The following CCDC7 variants were observed in gnomAD, a reference collection of about 807,000 sequenced individuals.
CCDC7 encodes the protein coiled-coil domain containing 7.
CCDC7 carries 183 observed loss-of-function variants against 196.9 expected under a neutral mutation model. The ratio of observed to expected loss-of-function variants is 0.93; its 90% CI spans 0.82 to 1.05. CCDC7 has a LOEUF of 1.05. Among genes scored for constraint, CCDC7 ranks in the 50% least tolerant of loss-of-function variants. The pLI is 0.00. For missense variants in CCDC7, 1,540 were observed against 1,482.2 expected (o/e 1.04, Z -0.64); for synonymous variants, 525 against 484.6 (o/e 1.08, Z -1.10).
At chr10:32,867,967 C>T (rs2094267431) in intron 41 of CCDC7, among the ~76,000 whole-genome samples, 1 of 151,852 alleles carries the variant, frequency 6.6e-6, no homozygotes. Context: ...TACTTTTTGT[C>T]TCTATAAATT....
In CCDC7 at chr10:32,780,110, G is replaced by A. The variant is rs548966212; in HGVS notation, c.3013+1026G>A. On this transcript the variant is annotated intron_variant, in intron 29 of 41. Coordinates refer to ENST00000639629, the Ensembl canonical transcript of CCDC7. Reference sequence around the variant, plus strand: ...AAATTAGACAGGCATGGTGGTACACGCCTATAGTCCCAGCTACTCAGGAGG... The same window carrying A: ...AAATTAGACAGGCATGGTGGTACACACCTATAGTCCCAGCTACTCAGGAGG... Among the ~76,000 whole-genome samples the A allele has an allele frequency of 1.5e-3, 229 of 152,190 alleles. 2 individuals are homozygous for A. Among genetic ancestry groups the A allele is most frequent in the African/African-American group, 5.2e-3 (216 of 41,512 alleles).
At chr10:32,458,205 A>G (rs1369496189) in intron 3 of CCDC7, among the ~76,000 whole-genome samples, 1 of 152,100 alleles carries the variant, frequency 6.6e-6, no homozygotes, top group Non-Finnish European at 1.5e-5. Context: ...TGATTTTTGC[A>G]TATGGTGAGA....
At chr10:32,678,005 A>G (rs970467049) in intron 21 of CCDC7, among the ~76,000 whole-genome samples, 4 of 151,988 alleles carry the variant, frequency 2.6e-5, no homozygotes, top group African/African-American at 7.2e-5. Context: ...GAGGCTATCT[A>G]TGAAATTTTT....
intron 24 of CCDC7, among the ~76,000 whole-genome samples, chr10:32,702,067 G>A (rs1211093096): frequency 6.6e-6 from 1 of 152,026 alleles, no homozygotes; most frequent in Admixed American, 6.5e-5. Flanking sequence ...GCAAACTTTT[G>A]AATGTGTTTG....
intron 18 of CCDC7, among the ~76,000 whole-genome samples, chr10:32,595,910 A>AT (rs1249710807): frequency 6.6e-6 from 1 of 152,080 alleles, no homozygotes; most frequent in Non-Finnish European, 1.5e-5. Context: ...CTGAGAGACA[A>AT]TTTGTTATAA....
At chr10:32,484,760 T>A (rs994109231) in intron 8 of CCDC7, among the ~76,000 whole-genome samples, 10 of 152,212 alleles carry the variant, frequency 6.6e-5, no homozygotes, top group African/African-American at 2.4e-4. Flanking sequence ...GATAATTGTG[T>A]GGTTTTTGTT....
chr10:32,567,834 A>G, exon 15 of CCDC7: 3 of 1,613,620 alleles, frequency 1.9e-6, no homozygotes, highest in Non-Finnish European at 2.5e-6. Context: ...CAAGAAAATC[A>G]CTGGTTTCAG....
intron 28 of CCDC7, among the ~76,000 whole-genome samples, chr10:32,776,413 C>G (rs1374684405): frequency 1.3e-5 from 2 of 151,862 alleles, no homozygotes; most frequent in Non-Finnish European, 2.9e-5. Context: ...TTACCTTGCT[C>G]TTTATGCTAT....
chr10:32,741,068 A>G (rs991386456), intron 28 of CCDC7, among the ~76,000 whole-genome samples: 2 of 152,112 alleles, frequency 1.3e-5, no homozygotes, highest in Admixed American at 6.6e-5. Context: ...TTCATAGCAC[A>G]TAAATGTGAT....
At chr10:32,878,537 A>T (rs1444707062), downstream of CCDC7, among the ~76,000 whole-genome samples, 1 of 151,964 alleles carries the variant, frequency 6.6e-6, no homozygotes, top group East Asian at 1.9e-4. Context: ...TTAACCAATG[A>T]CTCTAATTAG....
At chr10:32,523,019 G>A (rs1053034685) in intron 11 of CCDC7, among the ~76,000 whole-genome samples, 9 of 150,814 alleles carry the variant, frequency 6.0e-5, no homozygotes, top group South Asian at 2.1e-4. Context: ...TGTTGTCAGG[G>A]AAGATGCTTG....
At chr10:32,664,131 C>G (rs2072120256) in exon 21 of CCDC7, 1 of 396,206 alleles carries the variant, frequency 2.5e-6, no homozygotes, top group Non-Finnish European at 4.5e-6. Flanking sequence ...AGTAAAGAAA[C>G]AAAAATCTTT....
exon 6 of CCDC7, chr10:32,471,077 A>G (rs1405795898): frequency 6.2e-7 from 1 of 1,601,916 alleles, no homozygotes; most frequent in South Asian, 1.1e-5. Flanking sequence ...AGTAAAGATC[A>G]AACTCTTTTA....
At chr10:32,870,299 G>C (rs144882140) in intron 41 of CCDC7, among the ~76,000 whole-genome samples, 5,833 of 152,150 alleles carry the variant, frequency 0.038, 391 homozygotes, top group African/African-American at 0.13. Context: ...AGTTCTCCTT[G>C]AAGAGGTCCT....
chr10:32,799,221 A>T (rs1316461710), intron 29 of CCDC7, among the ~76,000 whole-genome samples: 1 of 152,168 alleles, frequency 6.6e-6, no homozygotes, highest in Non-Finnish European at 1.5e-5. Context: ...GCTGACTCTC[A>T]AAAGGAGAAT....
At chr10:32,739,058 G>A (rs77102639) in intron 28 of CCDC7, among the ~76,000 whole-genome samples, 8,065 of 151,854 alleles carry the variant, frequency 0.053, 711 homozygotes, top group African/African-American at 0.18. Context: ...TATCTCTCAA[G>A]ATTTTCTTTT....
intron 9 of CCDC7, 29 bp downstream of exon 10, chr10:32,492,026 AT>A (rs2134501744): frequency 6.7e-7 from 1 of 1,493,236 alleles, no homozygotes; most frequent in East Asian, 2.4e-5. Flanking sequence ...GCATTTTATT[AT>A]TTTTCTATTT....
At chr10:32,721,160 A>G (rs994698188) in intron 25 of CCDC7, among the ~76,000 whole-genome samples, 7 of 152,196 alleles carry the variant, frequency 4.6e-5, no homozygotes, top group African/African-American at 1.7e-4. Flanking sequence ...AACTTAAAAA[A>G]TAGCCCAGAA....
chr10:32,750,536 C>G (rs1286134521), intron 28 of CCDC7, among the ~76,000 whole-genome samples: 1 of 152,152 alleles, frequency 6.6e-6, no homozygotes, highest in Non-Finnish European at 1.5e-5. Flanking sequence ...GGGAAAGGTA[C>G]ATGCCCACTG....
Sources: allele counts gnomAD v4.1 joint callset (sites outside exome capture counted in the v4.1 genomes callset), GRCh38; gene constraint gnomAD v4.1.1; transcripts MANE v1.5; gene names NCBI Gene and HGNC (gene_info 2026-07-23, HGNC 2026-07-21).